The following EHBP1 variants were observed in gnomAD, a reference collection of about 807,000 sequenced individuals.
The protein encoded by EHBP1 is EH domain binding protein 1, also known as EH domain-binding protein 1.
In EHBP1, 55 loss-of-function variants were observed where a neutral mutation model predicts 144.0. The ratio of observed to expected loss-of-function variants is 0.38; its 90% CI spans 0.31 to 0.48. The LOEUF is 0.48. EHBP1 is among the 20% of genes least tolerant of loss of function. The pLI is 0.98. For synonymous variants in EHBP1, 469 were observed against 472.7 expected, an observed-to-expected ratio of 0.99 and a Z score of 0.10; for missense variants, 1,200 against 1,364.2, an observed-to-expected ratio of 0.88 and a Z score of 1.90.
intron 4 of EHBP1, among the ~76,000 whole-genome samples, chr2:62,764,760 C>G (rs2152323589): frequency 6.6e-6 from 1 of 152,044 alleles, no homozygotes; most frequent in East Asian, 1.9e-4. Context: ...GTTAATGTAA[C>G]AAGATGTGTT....
At chr2:62,998,855 A>G (rs574304143) in intron 19 of EHBP1, among the ~76,000 whole-genome samples, 87 of 152,294 alleles carry the variant, frequency 5.7e-4, no homozygotes, top group African/African-American at 2.0e-3. Context: ...ATAAGCTCCA[A>G]GAATCATCCT....
intron 2 of EHBP1, among the ~76,000 whole-genome samples, chr2:62,733,515 C>G (rs976667345): frequency 6.6e-6 from 1 of 152,246 alleles, no homozygotes; most frequent in East Asian, 1.9e-4. Flanking sequence ...TGTTTTTTGG[C>G]TTTACCCTCC....
intron 2 of EHBP1, among the ~76,000 whole-genome samples, chr2:62,745,455 ATTAGGGGT>A (rs2039063807): frequency 6.6e-6 from 1 of 151,998 alleles, no homozygotes; most frequent in Non-Finnish European, 1.5e-5. Context: ...AAAGTGATAA[ATTAGGGGT>A]TTACTAGGTA....
At chr2:62,932,803 A>T (rs1442115778) in intron 10 of EHBP1, among the ~76,000 whole-genome samples, 2 of 151,904 alleles carry the variant, frequency 1.3e-5, no homozygotes, top group African/African-American at 4.8e-5. Flanking sequence ...AAAATACAAA[A>T]ATTAGCTGGG....
intron 10 of EHBP1, among the ~76,000 whole-genome samples, chr2:62,893,347 C>T (rs1006006342): frequency 6.6e-6 from 1 of 151,764 alleles, no homozygotes; most frequent in Non-Finnish European, 1.5e-5. Flanking sequence ...TTTTTTTAAA[C>T]GGTGTGAGAT....
chr2:62,926,551 A>G lies in EHBP1; in HGVS notation c.1186-16167A>G, dbSNP rs142604929. Reference sequence around the variant, plus strand: ...ACAGATATTTCTCAATAGAAGACATACAAATGACCAAAAAATATATTTTTT... The same window carrying G: ...ACAGATATTTCTCAATAGAAGACATGCAAATGACCAAAAAATATATTTTTT... On this transcript the variant is annotated intron_variant, in intron 10 of 22. Coordinates refer to ENST00000431489, the MANE Select transcript of EHBP1 (RefSeq NM_001142616.3). Among the ~76,000 whole-genome samples, 29 of 152,310 alleles carry G rather than the reference A, an allele frequency of 1.9e-4. 1 individual carries two copies. The East Asian group carries it at 5.2e-3, about 27-fold the overall frequency.
chr2:62,913,178 A>G (rs1482443684), intron 10 of EHBP1, among the ~76,000 whole-genome samples: 1 of 152,176 alleles, frequency 6.6e-6, no homozygotes, highest in Non-Finnish European at 1.5e-5. Flanking sequence ...GAAAACATTT[A>G]TGTTTTAAGA....
chr2:62,940,093 G>A (rs2056651982), intron 10 of EHBP1: 2 of 433,612 alleles, frequency 4.6e-6, no homozygotes, highest in Admixed American at 4.7e-5. Context: ...GGACCAGTTG[G>A]GATGCCTACC....
intron 9 of EHBP1, among the ~76,000 whole-genome samples, chr2:62,870,738 C>CATATATATATATATATATATATAT (rs756481712): frequency 2.2e-5 from 3 of 139,096 alleles, no homozygotes; most frequent in African/African-American, 8.1e-5. Context: ...AAAAAAAATA[C>CATATATATATATATATATATATAT]ATATATATAT....
At chr2:62,923,411 G>A (rs190890535) in intron 10 of EHBP1, among the ~76,000 whole-genome samples, 1 of 152,292 alleles carries the variant, frequency 6.6e-6, no homozygotes, top group African/African-American at 2.4e-5. Flanking sequence ...TGGCAGAGCA[G>A]CTATGTGATT....
At chr2:63,026,219 A>T (rs1319573055) in intron 19 of EHBP1, among the ~76,000 whole-genome samples, 1 of 151,722 alleles carries the variant, frequency 6.6e-6, no homozygotes, top group African/African-American at 2.4e-5. Flanking sequence ...AGGAATCACC[A>T]TGCCTTGCTC....
At chr2:62,757,263 G>T (rs2040368858) in intron 3 of EHBP1, among the ~76,000 whole-genome samples, 1 of 152,004 alleles carries the variant, frequency 6.6e-6, no homozygotes, top group African/African-American at 2.4e-5. Flanking sequence ...CAGGCAGCTG[G>T]AGAGGCGTGC....
intron 14 of EHBP1, among the ~76,000 whole-genome samples, chr2:62,966,269 A>T (rs1381011403): frequency 6.6e-6 from 1 of 152,020 alleles, no homozygotes; most frequent in Non-Finnish European, 1.5e-5. Flanking sequence ...AGGAAAGGGA[A>T]TAGTTAGATT....
At chr2:63,026,276 T>C (rs1003932201) in intron 19 of EHBP1, among the ~76,000 whole-genome samples, 2 of 148,888 alleles carry the variant, frequency 1.3e-5, no homozygotes, top group East Asian at 2.0e-4. Flanking sequence ...GTTTGAGTAA[T>C]GAATATGGCT....
intron 19 of EHBP1, among the ~76,000 whole-genome samples, chr2:63,017,026 G>A (rs1329744389): frequency 6.6e-6 from 1 of 152,232 alleles, no homozygotes; most frequent in Non-Finnish European, 1.5e-5. Flanking sequence ...CAGCAGTGAG[G>A]TGGGACCCTG....
At chr2:62,848,163 C>T (rs1022809905) in intron 7 of EHBP1, among the ~76,000 whole-genome samples, 19 of 151,554 alleles carry the variant, frequency 1.3e-4, no homozygotes, top group African/African-American at 4.4e-4. Context: ...ACTGCAACCT[C>T]CACCTCCCAG....
intron 7 of EHBP1, among the ~76,000 whole-genome samples, chr2:62,851,423 T>G (rs1159607095): frequency 1.3e-5 from 2 of 152,176 alleles, no homozygotes; most frequent in Non-Finnish European, 2.9e-5. Context: ...TGTCTACTTG[T>G]CTTGTGTTAG....
chr2:63,018,784 T>A (rs572235392), intron 19 of EHBP1, among the ~76,000 whole-genome samples: 2 of 152,352 alleles, frequency 1.3e-5, no homozygotes, highest in Admixed American at 1.3e-4. Context: ...TCACCATAAT[T>A]TTCAATTTGG....
At chr2:62,901,581 A>G (rs2053418956) in intron 10 of EHBP1, among the ~76,000 whole-genome samples, 1 of 152,160 alleles carries the variant, frequency 6.6e-6, no homozygotes, top group African/African-American at 2.4e-5. Context: ...CATTTGCCAA[A>G]ATCTAATGAT....
Sources: gnomAD v4.1 joint callset for allele counts (sites outside exome capture counted in the v4.1 genomes callset) on GRCh38, gnomAD v4.1.1 for gene constraint, MANE v1.5 for transcripts, NCBI Gene and HGNC (gene_info 2026-07-23, HGNC 2026-07-21) for gene names.